The following SOAT1 variants were observed in gnomAD, a reference collection of about 807,000 sequenced individuals.
SOAT1 encodes acyl-coenzyme A:cholesterol acyltransferase 1.
SOAT1 carries 55 observed loss-of-function variants against 69.5 expected under a neutral mutation model. The ratio of observed to expected loss-of-function variants is 0.79; its 90% CI spans 0.64 to 0.99. The LOEUF (loss-of-function observed/expected upper bound fraction) is 0.99. Ranked by LOEUF, SOAT1 falls within the 50% of genes least tolerant of loss-of-function variation. The probability of loss-of-function intolerance (pLI) is 0.00; values close to 1 mark genes in which losing one functional copy is unlikely to be tolerated. For synonymous variants in SOAT1, 231 were observed against 224.7 expected, an observed-to-expected ratio of 1.03 and a Z score of -0.25; for missense variants, 580 against 669.3, an observed-to-expected ratio of 0.87 and a Z score of 1.47.
At chr1:179,304,486 C>T (rs1468042370) in intron 2 of SOAT1, among the ~76,000 whole-genome samples, 4 of 152,038 alleles carry the variant, frequency 2.6e-5, no homozygotes, top group African/African-American at 9.7e-5. Flanking sequence ...CTATGTTGGT[C>T]AGGCTGGTCT....
Position 179,357,379 on chromosome 1 carries a change from T to C in SOAT1, c.*3738T>C, listed in dbSNP as rs1433512434. On this transcript the variant is annotated 3_prime_UTR_variant, in exon 16 of 16. Transcript: ENST00000367619. ...CACCATGTCCAGCTAATTTTTGTGT[T>C]TTTAGTAGAGATGGGGTTTCACCAT... 1 of 152,256 alleles carries C rather than the reference T, an allele frequency of 6.6e-6. No homozygotes were observed. The highest frequency in any genetic ancestry group is 1.5e-5 in the Non-Finnish European group (1 of 68,160). The allele number at this position is 152,256 out of a possible 1,614,324, so 9.4% of individuals were successfully genotyped here.
At chr1:179,340,127 T>C (rs1480122439) in intron 6 of SOAT1, among the ~76,000 whole-genome samples, 1 of 152,212 alleles carries the variant, frequency 6.6e-6, no homozygotes, top group Non-Finnish European at 1.5e-5. Context: ...TGTCTTTATT[T>C]AAGATGGTTA....
intron 2 of SOAT1, among the ~76,000 whole-genome samples, chr1:179,309,976 T>G (rs949760190): frequency 2.0e-5 from 3 of 152,144 alleles, no homozygotes; most frequent in African/African-American, 7.2e-5. Flanking sequence ...CTTGGCTCAC[T>G]GCAGCCTCTG....
At chr1:179,315,469 TAA>T (rs559321401) in intron 2 of SOAT1, among the ~76,000 whole-genome samples, 1 of 143,084 alleles carries the variant, frequency 7.0e-6, no homozygotes, top group African/African-American at 2.6e-5. Flanking sequence ...GAACCTGTCT[TAA>T]AAAAAAAAAA....
intron 1 of SOAT1, among the ~76,000 whole-genome samples, chr1:179,295,946 T>C (rs1471836391): frequency 6.8e-6 from 1 of 147,706 alleles, no homozygotes; most frequent in Non-Finnish European, 1.5e-5. Context: ...ATTACGGGCA[T>C]GTGCTACCAC....
Position 179,341,079 on chromosome 1 carries a change from C to A in SOAT1, c.549C>A (p.Thr183=). 1 of 1,614,002 alleles carries A rather than the reference C, an allele frequency of 6.2e-7. No individual in the cohort carries two copies. Among genetic ancestry groups the A allele is most frequent in the Non-Finnish European group, 8.5e-7 (1 of 1,179,988 alleles). Residue 183 remains threonine, a synonymous_variant, in exon 7 of 16, where the codon ACC becomes ACA. Coordinates refer to ENST00000367619, the MANE Select transcript of SOAT1 (RefSeq NM_003101.6). The part of the protein sequence containing the change: ...LLSYAFGKFP[T]VVWTWWIMFL... ...CTTATGCTTTTGGCAAATTTCCTAC[C>A]GTTGTTTGGACCTGGTGGATCATGT...
chr1:179,302,374 G>A (rs1004668487), intron 1 of SOAT1, among the ~76,000 whole-genome samples: 1 of 152,142 alleles, frequency 6.6e-6, no homozygotes, highest in African/African-American at 2.4e-5. Flanking sequence ...GGAACTGGTG[G>A]GAGGTGATTG....
chr1:179,344,915 GTTA>G, intron 10 of SOAT1, 29 bp from the exon 11 acceptor site: 3 of 1,611,562 alleles, frequency 1.9e-6, no homozygotes, highest in Non-Finnish European at 2.5e-6. Context: ...TTAAGCCATC[GTTA>G]TTATAATTCT....
intron 3 of SOAT1, among the ~76,000 whole-genome samples, chr1:179,331,177 C>G (rs978081013): frequency 1.3e-5 from 2 of 152,174 alleles, no homozygotes; most frequent in Admixed American, 1.3e-4. Flanking sequence ...GTAAGAATCT[C>G]TAGTCTATTT....
At chr1:179,330,999 AG>A (rs1271583262) in intron 3 of SOAT1, among the ~76,000 whole-genome samples, 2 of 152,166 alleles carry the variant, frequency 1.3e-5, no homozygotes, top group Non-Finnish European at 2.9e-5. Flanking sequence ...GTACTAAGAA[AG>A]GGGGTAGGCA....
intron 11 of SOAT1, among the ~76,000 whole-genome samples, chr1:179,345,533 A>C (rs969787427): frequency 2.0e-5 from 3 of 151,604 alleles, no homozygotes; most frequent in Non-Finnish European, 4.4e-5. Context: ...GCTGCTGACC[A>C]CATTTTTAAA....
chr1:179,341,011 G>T lies in SOAT1; in HGVS notation c.498-17G>T, dbSNP rs1019885293. 1 of 1,609,274 alleles carries T rather than the reference G, an allele frequency of 6.2e-7. No homozygotes were observed. The highest frequency in any genetic ancestry group is 8.5e-7 in the Non-Finnish European group (1 of 1,177,862). Reference sequence around the variant, plus strand: ...AAATTCACCTCTATGTTCTTTTTCTGTACCTTTTCTCCCCAGGCTGGTGCT... The same window carrying T: ...AAATTCACCTCTATGTTCTTTTTCTTTACCTTTTCTCCCCAGGCTGGTGCT... On this transcript the variant is annotated splice_polypyrimidine_tract_variant and intron_variant, in intron 6 of 15. Coordinates refer to ENST00000367619, the MANE Select transcript of SOAT1 (RefSeq NM_003101.6).
chr1:179,311,760 G>A (rs1195393368), intron 2 of SOAT1, among the ~76,000 whole-genome samples: 2 of 152,140 alleles, frequency 1.3e-5, no homozygotes, highest in Non-Finnish European at 2.9e-5. Flanking sequence ...CTTGATAAGT[G>A]TTAGTAGAAC....
chr1:179,339,134 T>A (rs1228960832), intron 5 of SOAT1, among the ~76,000 whole-genome samples: 1 of 152,126 alleles, frequency 6.6e-6, no homozygotes, highest in Non-Finnish European at 1.5e-5. Flanking sequence ...ATTTTAACAT[T>A]TTGGAAATAG....
intron 6 of SOAT1, among the ~76,000 whole-genome samples, chr1:179,340,682 A>G (rs944404654): frequency 2.6e-5 from 4 of 152,112 alleles, no homozygotes; most frequent in Non-Finnish European, 5.9e-5. Flanking sequence ...TCCATAGAAT[A>G]TTTTACAGTT....
At position 179,358,638 on chromosome 1, in the gene SOAT1, A is replaced by T. The variant is rs899462677; in HGVS notation, c.*4997A>T. 1 of 152,326 alleles carries T rather than the reference A, an allele frequency of 6.6e-6. No individual in the cohort carries two copies. The highest frequency in any genetic ancestry group is 6.5e-5 in the Admixed American group (1 of 15,280). 9.4% of individuals were successfully genotyped at this position (152,326 alleles called of 1,614,324 possible). ...TAGTGTTCTGAGCACCAGAAGGGTC[A>T]TGTAAATCTGAAGTTGTTATTAAAG... On this transcript the variant is annotated 3_prime_UTR_variant, in exon 16 of 16. Coordinates refer to ENST00000367619, the MANE Select transcript of SOAT1 (RefSeq NM_003101.6).
At chr1:179,351,035 T>C (rs1341247138) in intron 14 of SOAT1, among the ~76,000 whole-genome samples, 858 of 15,098 alleles carry the variant, frequency 0.057, 38 homozygotes, top group Admixed American at 0.07. Context: ...TTTTTTTTTT[T>C]TTTTTTTTTT....
intron 3 of SOAT1, among the ~76,000 whole-genome samples, chr1:179,326,804 C>A (rs1179468770): frequency 6.6e-6 from 1 of 152,004 alleles, no homozygotes; most frequent in Non-Finnish European, 1.5e-5. Flanking sequence ...AATGATCCAC[C>A]CCACCTCGGC....
chr1:179,339,307 T>G (rs1666253764), intron 5 of SOAT1, 131 bp from the exon 6 acceptor site: 5 of 506,406 alleles, frequency 9.9e-6, no homozygotes, highest in Non-Finnish European at 1.0e-5. Flanking sequence ...CATTCTTTTT[T>G]GAGATGTTTT....
Sources: gnomAD v4.1 joint callset for allele counts (sites outside exome capture counted in the v4.1 genomes callset) on GRCh38, gnomAD v4.1.1 for gene constraint, MANE v1.5 for transcripts, NCBI Gene and HGNC (gene_info 2026-07-23, HGNC 2026-07-21) for gene names.